Variants in DERL3 observed in about 807,000 individuals in gnomAD.
DERL3 encodes the protein derlin 3.
A neutral mutation model predicts 23.8 loss-of-function variants in DERL3; 20 were observed. That is an observed-to-expected ratio of 0.84 (90% CI 0.59 to 1.22). The LOEUF (loss-of-function observed/expected upper bound fraction) is 1.22, where lower values mean the gene tolerates loss of function less well. DERL3 is among the 50% of genes most tolerant of loss of function. DERL3 has a pLI of 0.00. For synonymous variants in DERL3, 145 were observed against 132.5 expected (o/e 1.09, Z -0.65); for missense variants, 319 against 304.1 (o/e 1.05, Z -0.36).
Position 23,834,856 on chromosome 22 carries a change from T to C in DERL3, c.*2013A>G, listed in dbSNP as rs759530291. The C allele has an allele frequency of 6.2e-7, 1 of 1,612,564 alleles. No individual in the cohort carries two copies. The highest frequency in any genetic ancestry group is 2.2e-5 in the East Asian group (1 of 44,878). ...GAAGGTGCCGCGAGCTCTCCTGCCG[T>C]CCCTGGGCCGCCCTGGCTCTGCTGT... On this transcript the variant is annotated 3_prime_UTR_variant, in exon 7 of 7. Transcript: ENST00000318109.
chr22:23,838,846 C>A, intron 1 of DERL3, 49 bp downstream of exon 1: 1 of 1,550,658 alleles, frequency 6.4e-7, no homozygotes. Flanking sequence ...CTCACCCCTC[C>A]CGCCAGAGGC....
intron 5 of DERL3, 149 bp from the exon 6 acceptor site, chr22:23,837,303 C>A: frequency 2.8e-6 from 3 of 1,057,304 alleles, no homozygotes; most frequent in South Asian, 1.5e-5. Flanking sequence ...GTGCCAGCCC[C>A]GGGTTGGCCG....
rs776551730 is a variant in DERL3, at chr22:23,834,855, G to A, written c.*2014C>T. ...GGAAGGTGCCGCGAGCTCTCCTGCC[G>A]TCCCTGGGCCGCCCTGGCTCTGCTG... On this transcript the variant is annotated 3_prime_UTR_variant, in exon 7 of 7. Coordinates refer to ENST00000318109, the MANE Select transcript of DERL3 (RefSeq NM_001002862.3). The A allele has an allele frequency of 3.4e-5, 55 of 1,612,522 alleles. No individual in the cohort carries two copies. Among genetic ancestry groups the A allele is most frequent in the Admixed American group, 2.8e-4 (17 of 59,972 alleles).
chr22:23,836,813 G>T lies in DERL3; in HGVS notation c.*56C>A. ...TGGGTTTTTTCTGCCCCAAGTAGGGGTCATGGGTAGGATGGAAGCTGCCAG... is the reference window on the plus strand; with the variant it reads ...TGGGTTTTTTCTGCCCCAAGTAGGGTTCATGGGTAGGATGGAAGCTGCCAG... On this transcript the variant is annotated 3_prime_UTR_variant, in exon 7 of 7. Coordinates refer to ENST00000318109, the MANE Select transcript of DERL3 (RefSeq NM_001002862.3). The T allele has an allele frequency of 7.0e-7, 1 of 1,432,404 alleles. No homozygotes were observed. The highest frequency in any genetic ancestry group is 3.0e-5 in the Admixed American group (1 of 32,954). The allele number at this position is 1,432,404 out of a possible 1,614,324, so 88.7% of individuals were successfully genotyped here. A position where few individuals can be genotyped will look rare whatever the true frequency, so the allele number is the denominator to read the frequency against.
rs1489567425 is a variant in DERL3 at position 23,836,915 on chromosome 22, A to C, written c.662T>G (p.Leu221Arg). ...ATGGGGTCCTGGCTGTTCCTCAGGGAGGGGCAGGTAATTGGGGTCTTCTGC... is the reference window on the plus strand; with the variant it reads ...ATGGGGTCCTGGCTGTTCCTCAGGGCGGGGCAGGTAATTGGGGTCTTCTGC... ...APAEDPNYLP[L>R]PEEQPGPHLP... The change falls in exon 7 of 7, where the codon CTC becomes CGC. Residue 221 changes from leucine (L) to arginine (R), a missense_variant. Transcript: ENST00000318109. 6.5e-7 allele frequency: 1 copy of C among 1,526,880 alleles called. No individual in the cohort carries two copies. The highest frequency in any genetic ancestry group is 2.4e-5 in the East Asian group (1 of 42,116). 94.6% of individuals were successfully genotyped at this position (1,526,880 alleles called of 1,614,324 possible). A position where few individuals can be genotyped will look rare whatever the true frequency, so the allele number is the denominator to read the frequency against.
intron 4 of DERL3, chr22:23,838,080 C>A: frequency 6.8e-7 from 1 of 1,480,790 alleles, no homozygotes; most frequent in Non-Finnish European, 9.0e-7. Context: ...CCTGTCCCTG[C>A]CCCAGTTTCT....
At chr22:23,838,016 T>C in intron 4 of DERL3, 162 bp from the exon 5 acceptor site, 1 of 1,285,222 alleles carries the variant, frequency 7.8e-7, no homozygotes, top group Non-Finnish European at 1.0e-6. Flanking sequence ...GGGCTTCAGG[T>C]CCCACGAAAT....
intron 6 of DERL3, 46 bp from the exon 7 acceptor site, chr22:23,837,008 A>G: frequency 6.2e-7 from 1 of 1,602,070 alleles, no homozygotes; most frequent in Non-Finnish European, 8.5e-7. Context: ...ACAGGTCCCC[A>G]TCGGTGGGGA....
rs1448292647 is a variant in DERL3 at position 23,837,473 on chromosome 22, A to AT, written c.523+185_523+186insA. On this transcript the variant is annotated intron_variant, in intron 5 of 6. Coordinates refer to ENST00000318109, the MANE Select transcript of DERL3 (RefSeq NM_001002862.3). ...ATCAGTAGATCCGTCCTGACGATGC[A>AT]AATTATGTGGGCCGGCTGGCTTGAG... 25 of 691,366 alleles carry AT rather than the reference A, an allele frequency of 3.6e-5. No homozygotes were observed. In the African/African-American group the frequency reaches 3.8e-4, roughly 10 times the overall value. 42.8% of individuals were successfully genotyped at this position (691,366 alleles called of 1,614,324 possible).
intron 4 of DERL3, chr22:23,838,073 G>A: frequency 6.8e-7 from 1 of 1,473,094 alleles, no homozygotes; most frequent in Non-Finnish European, 9.0e-7. Context: ...ACCACTGCCT[G>A]TCCCTGCCCC....
intron 5 of DERL3, chr22:23,837,393 C>G: frequency 1.5e-6 from 1 of 652,160 alleles, no homozygotes; most frequent in Non-Finnish European, 2.6e-6. Context: ...GAGTGGGAGC[C>G]ATGGGGCAGG....
rs1427732132 is a variant in DERL3, at chr22:23,837,133, T to C, written c.545A>G (p.Tyr182Cys). ...GGGGAAGACGTCCTCCAGGAAGTAG[T>C]AGATATGGCCCACCGCAATCCCTGT... ...DLLGIAVGHI[Y>C]YFLEDVFPNQ... The change falls in exon 6 of 7, where the codon TAC becomes TGC. Residue 182 changes from tyrosine to cysteine, a missense_variant. Tyr to Cys is a radical substitution (Grantham distance 194, BLOSUM62 -2). Coordinates refer to ENST00000318109, the MANE Select transcript of DERL3 (RefSeq NM_001002862.3). 4 of 1,613,878 alleles carry C rather than the reference T, an allele frequency of 2.5e-6. No homozygotes were observed. The highest frequency in any genetic ancestry group is 2.2e-5 in the East Asian group (1 of 44,850).
chr22:23,838,034 GCA>G, intron 4 of DERL3, 180 bp from the exon 5 acceptor site: 1 of 1,359,046 alleles, frequency 7.4e-7, no homozygotes, highest in South Asian at 1.5e-5. Flanking sequence ...AATCTGCCCT[GCA>G]CACCTACAGC....
Position 23,836,054 on chromosome 22 carries a change from G to T in DERL3, c.*815C>A. On this transcript the variant is annotated 3_prime_UTR_variant, in exon 7 of 7. Transcript: ENST00000318109. ...GGACAGGCTTAGAACAACAAGGAAA[G>T]CTGCCAGGTCAGAAGAGAAAAATGA... The T allele has an allele frequency of 2.0e-6, 2 of 985,526 alleles. No individual in the cohort carries two copies. The highest frequency in any genetic ancestry group is 2.4e-6 in the Non-Finnish European group (2 of 829,962). The allele number at this position is 985,526 out of a possible 1,614,324, so 61.0% of individuals were successfully genotyped here.
intron 4 of DERL3, 156 bp downstream of exon 4, chr22:23,838,196 C>T (rs762995548): frequency 6.5e-6 from 10 of 1,547,410 alleles, no homozygotes; most frequent in Admixed American, 2.0e-5. Flanking sequence ...CTAGCCCTGA[C>T]CCCTGCAGCT....
Sources: gnomAD v4.1 joint callset for allele counts on GRCh38, gnomAD v4.1.1 for gene constraint, MANE v1.5 for transcripts, NCBI Gene and HGNC (gene_info 2026-07-23, HGNC 2026-07-21) for gene names.